DNAH6: variants seen among roughly 807,000 people sequenced by gnomAD.
The protein encoded by DNAH6 is dynein axonemal heavy chain 6, also known as axonemal beta dynein heavy chain 6.
Under a neutral mutation model 491.4 loss-of-function variants are expected in DNAH6, and 340 were observed. That is an observed-to-expected ratio of 0.69 (90% CI 0.63 to 0.76). The LOEUF (loss-of-function observed/expected upper bound fraction) is 0.76. DNAH6 is among the 30% of genes least tolerant of loss of function. The pLI, the probability that DNAH6 is intolerant of heterozygous loss-of-function variation, is 0.00. For synonymous variants in DNAH6, 1,603 were observed against 1,686.1 expected (o/e 0.95, Z 1.21); for missense variants, 4,443 against 4,972.2 (o/e 0.89, Z 3.20).
chr2:84,477,798 G>T, the DNAH6 span, among the ~76,000 whole-genome samples: 1 of 152,210 alleles, frequency 6.6e-6, no homozygotes, highest in Non-Finnish European at 1.5e-5. Context: ...AAAAGCATTT[G>T]CTAGTATTAC....
At chr2:84,740,403 G>C (rs541731668) in intron 62 of DNAH6, among the ~76,000 whole-genome samples, 30 of 152,244 alleles carry the variant, frequency 2.0e-4, no homozygotes, top group African/African-American at 6.5e-4. Context: ...CTTTCAACCC[G>C]CATTCCCCAG....
At chr2:84,799,989 C>T (rs1162871628) in intron 70 of DNAH6, among the ~76,000 whole-genome samples, 1 of 152,192 alleles carries the variant, frequency 6.6e-6, no homozygotes, top group African/African-American at 2.4e-5. Context: ...TCTCTGTTGC[C>T]TCCACCCCCA....
the DNAH6 span, among the ~76,000 whole-genome samples, chr2:84,467,047 C>A: frequency 6.6e-6 from 1 of 152,186 alleles, no homozygotes; most frequent in Non-Finnish European, 1.5e-5. Flanking sequence ...AGATCATAAG[C>A]AGGTTTTTGC....
At chr2:84,601,425 A>G (rs567609863) in intron 18 of DNAH6, among the ~76,000 whole-genome samples, 112 of 152,046 alleles carry the variant, frequency 7.4e-4, no homozygotes, top group Admixed American at 2.7e-3. Flanking sequence ...TAGTATTGTT[A>G]CTTCTTTTTG....
At chr2:84,769,126 A>G (rs1573753250) in intron 64 of DNAH6, among the ~76,000 whole-genome samples, 1 of 152,266 alleles carries the variant, frequency 6.6e-6, no homozygotes, top group African/African-American at 2.4e-5. Flanking sequence ...TCACACCCAG[A>G]AAGAGAGAGT....
At chr2:84,644,155 C>G (rs750935731) in intron 33 of DNAH6, among the ~76,000 whole-genome samples, 1 of 152,070 alleles carries the variant, frequency 6.6e-6, no homozygotes, top group African/African-American at 2.4e-5. Flanking sequence ...TTCTTCTCCC[C>G]GTTAGGTGGT....
intron 33 of DNAH6, among the ~76,000 whole-genome samples, chr2:84,650,260 T>C (rs967964601): frequency 6.6e-6 from 1 of 152,148 alleles, no homozygotes; most frequent in African/African-American, 2.4e-5. Context: ...TCCCCATCAT[T>C]TGAGACTCCA....
At chr2:84,671,487 C>T (rs1012336787) in intron 39 of DNAH6, among the ~76,000 whole-genome samples, 1 of 152,222 alleles carries the variant, frequency 6.6e-6, no homozygotes, top group Middle Eastern at 3.2e-3. Context: ...CCAGCAGGCC[C>T]TGTCATGCCA....
chr2:84,783,619 A>T (rs1264474459), intron 65 of DNAH6, among the ~76,000 whole-genome samples: 1 of 152,258 alleles, frequency 6.6e-6, no homozygotes, highest in Non-Finnish European at 1.5e-5. Context: ...AGAAGCATGA[A>T]ATCAGCTTTG....
intron 74 of DNAH6, among the ~76,000 whole-genome samples, 158 bp downstream of exon 74, chr2:84,813,288 G>A (rs911827059): frequency 6.6e-6 from 1 of 152,172 alleles, no homozygotes; most frequent in Non-Finnish European, 1.5e-5. Flanking sequence ...CTCACTTGTG[G>A]GGGGCAGAGG....
At chr2:84,620,389 C>T (rs1687276824) in intron 24 of DNAH6, among the ~76,000 whole-genome samples, 1 of 152,148 alleles carries the variant, frequency 6.6e-6, no homozygotes, top group South Asian at 2.1e-4. Context: ...AGCAGCATCT[C>T]CAGGGCACTG....
intron 64 of DNAH6, chr2:84,778,124 C>T (rs776073320): frequency 2.0e-4 from 153 of 777,572 alleles, no homozygotes; most frequent in Non-Finnish European, 3.2e-4. Flanking sequence ...TGGCACAGGC[C>T]ATGCCAACAG....
At chr2:84,575,506 A>G (rs560513399) in intron 12 of DNAH6, among the ~76,000 whole-genome samples, 61 of 152,354 alleles carry the variant, frequency 4.0e-4, no homozygotes, top group Non-Finnish European at 8.1e-4. Flanking sequence ...ACAGAGATCT[A>G]TAGAGATAAG....
At chr2:84,477,122 A>G in the DNAH6 span, among the ~76,000 whole-genome samples, 6 of 152,334 alleles carry the variant, frequency 3.9e-5, no homozygotes, top group African/African-American at 1.4e-4. Flanking sequence ...CCAGGGGGCC[A>G]TTGCAATTGT....
intron 62 of DNAH6, among the ~76,000 whole-genome samples, chr2:84,742,249 CTCTTTACTT>C (rs1039868353): frequency 4.1e-4 from 62 of 152,304 alleles, no homozygotes; most frequent in African/African-American, 1.4e-3. Context: ...TATTTCTGCA[CTCTTTACTT>C]TCCATTTTTT....
At chr2:84,670,304 T>A in intron 38 of DNAH6, 24 bp from the exon 39 acceptor site, 1 of 1,447,310 alleles carries the variant, frequency 6.9e-7, no homozygotes, top group Non-Finnish European at 9.4e-7. Context: ...TCATGTGACA[T>A]TAATTAACTT....
At chr2:84,587,271 G>A (rs1334309629) in intron 15 of DNAH6, among the ~76,000 whole-genome samples, 1 of 152,142 alleles carries the variant, frequency 6.6e-6, no homozygotes, top group Non-Finnish European at 1.5e-5. Context: ...CTATATTCCT[G>A]CAAAGGACAT....
intron 47 of DNAH6, 81 bp downstream of exon 47, chr2:84,697,808 G>A: frequency 1.4e-6 from 2 of 1,438,946 alleles, no homozygotes; most frequent in East Asian, 5.0e-5. Flanking sequence ...TTGATTGCCT[G>A]AAGGGGTCCA....
rs577676549 is a variant in DNAH6, at chr2:84,557,038, C to T, written c.1603-697C>T. Among the ~76,000 whole-genome samples the T allele has an allele frequency of 2.2e-4, 34 of 152,280 alleles. 1 individual carries two copies. The South Asian group carries it at 3.1e-3, about 14-fold the overall frequency. The stretch of plus-strand genomic sequence containing the variant: ...CCTTGCACATAAATCTTTGTTTACA[C>T]GTCTATTTTTCCCATAGATTAGCTT... On this transcript the variant is annotated intron_variant, in intron 10 of 76. Coordinates refer to ENST00000389394, the MANE Select transcript of DNAH6 (RefSeq NM_001370.2).
Sources: gnomAD v4.1 joint callset for allele counts (sites outside exome capture counted in the v4.1 genomes callset) on GRCh38, gnomAD v4.1.1 for gene constraint, MANE v1.5 for transcripts, NCBI Gene and HGNC (gene_info 2026-07-23, HGNC 2026-07-21) for gene names.